CADM2: variants seen among roughly 807,000 people sequenced by gnomAD.
CADM2 encodes cell adhesion molecule 2, also known as immunoglobulin superfamily member 4D.
A neutral mutation model predicts 49.8 loss-of-function variants in CADM2; 12 were observed. The observed-to-expected ratio is 0.24, with a 90% confidence interval of 0.15 to 0.39. CADM2 has a LOEUF of 0.39. Among genes scored for constraint, CADM2 ranks in the 10% least tolerant of loss-of-function variants. The probability of loss-of-function intolerance (pLI) is 1.00; values close to 1 mark genes in which losing one functional copy is unlikely to be tolerated. For missense variants in CADM2, 378 were observed against 492.3 expected (o/e 0.77, Z 2.20); for synonymous variants, 214 against 175.4 (o/e 1.22, Z -1.74).
intron 2 of CADM2, among the ~76,000 whole-genome samples, chr3:85,743,172 A>G (rs757171228): frequency 7.2e-5 from 11 of 151,934 alleles, no homozygotes; most frequent in Non-Finnish European, 1.0e-4. Context: ...CCTACTGGCA[A>G]TTTTCAGCCT....
At chr3:85,158,847 T>G (rs1229829805) in intron 1 of CADM2, among the ~76,000 whole-genome samples, 1 of 151,580 alleles carries the variant, frequency 6.6e-6, no homozygotes, top group Admixed American at 6.6e-5. Context: ...ATAATGATAA[T>G]AAATAAAATA....
intron 1 of CADM2, among the ~76,000 whole-genome samples, chr3:85,028,655 A>G (rs1345272103): frequency 6.6e-6 from 1 of 152,080 alleles, no homozygotes; most frequent in African/African-American, 2.4e-5. Context: ...AGAAAATAGA[A>G]ATCTCGTGAT....
intron 1 of CADM2, among the ~76,000 whole-genome samples, chr3:85,380,586 T>A (rs975260874): frequency 3.3e-5 from 5 of 151,952 alleles, no homozygotes; most frequent in African/African-American, 1.2e-4. Flanking sequence ...GTATTATTTT[T>A]TCAAGTGTAC....
rs1703334061 is a variant in CADM2 at position 86,072,409 on chromosome 3, AAAAAAAC to A, written c.*5633_*5639del. ...ATGTGAAAAAGATATAAAAAAAACA[AAAAAAAC>A]AAAAAAAAAACACTATTTTCCCCTA... On this transcript the variant is annotated 3_prime_UTR_variant, in exon 10 of 10. Transcript: ENST00000383699. 6.6e-6 allele frequency: 1 copy of A among 151,600 alleles called. No individual in the cohort carries two copies. Among genetic ancestry groups the A allele is most frequent in the African/African-American group, 2.4e-5 (1 of 41,288 alleles). 9.4% of individuals were successfully genotyped at this position (151,600 alleles called of 1,614,324 possible). A position where few individuals can be genotyped will look rare whatever the true frequency, so the allele number is the denominator to read the frequency against.
intron 1 of CADM2, among the ~76,000 whole-genome samples, chr3:85,639,436 T>A (rs2107546715): frequency 6.6e-6 from 1 of 152,282 alleles, no homozygotes; most frequent in East Asian, 1.9e-4. Flanking sequence ...GGAAAAGGTG[T>A]CAACTTGGTG....
intron 1 of CADM2, among the ~76,000 whole-genome samples, chr3:85,078,313 C>A (rs1277039383): frequency 6.6e-6 from 1 of 151,936 alleles, no homozygotes; most frequent in African/African-American, 2.4e-5. Flanking sequence ...GAAAACAAAT[C>A]ATATTGAAGT....
chr3:85,931,110 C>T (rs2108527051), intron 6 of CADM2, among the ~76,000 whole-genome samples: 1 of 152,094 alleles, frequency 6.6e-6, no homozygotes, highest in East Asian at 1.9e-4. Flanking sequence ...TGGTAGCTCA[C>T]ACCTGTAATC....
chr3:85,290,843 C>A (rs972976204), intron 1 of CADM2, among the ~76,000 whole-genome samples: 6 of 152,180 alleles, frequency 3.9e-5, no homozygotes, highest in African/African-American at 1.2e-4. Context: ...GGGGAAAAAA[C>A]AGAACAGAAA....
rs114790511 is a variant in CADM2 at position 85,019,159 on chromosome 3, T to G, written c.61+59491T>G. On this transcript the variant is annotated intron_variant, in intron 1 of 9. Transcript: ENST00000383699. ...GTTACTAGAGAGTGACCAGCCATTC[T>G]GGTGTGCCTGTAATGTTCCCAGTTT... 6.1e-3 allele frequency among the ~76,000 whole-genome samples: 935 copies of G among 152,332 alleles called. 16 individuals carry two copies. Among genetic ancestry groups the G allele is most frequent in the African/African-American group, 0.022 (895 of 41,572 alleles).
intron 1 of CADM2, among the ~76,000 whole-genome samples, chr3:85,308,013 C>T (rs1184044865): frequency 6.6e-6 from 1 of 150,874 alleles, no homozygotes; most frequent in Non-Finnish European, 1.5e-5. Flanking sequence ...TCAACCTACA[C>T]AAATGTGCAA....
chr3:85,907,421 C>G (rs891011780), intron 5 of CADM2, among the ~76,000 whole-genome samples: 3 of 152,144 alleles, frequency 2.0e-5, no homozygotes, highest in African/African-American at 7.2e-5. Flanking sequence ...TAGGAAATGT[C>G]ACTTAATAGC....
At position 86,073,786 on chromosome 3, in the gene CADM2, A is replaced by G. The variant is rs1238959625; in HGVS notation, c.*7003A>G. 6.6e-6 allele frequency: 1 copy of G among 151,986 alleles called. No individual in the cohort carries two copies. The highest frequency in any genetic ancestry group is 2.4e-5 in the African/African-American group (1 of 41,416). 9.4% of individuals were successfully genotyped at this position (151,986 alleles called of 1,614,324 possible). A position where few individuals can be genotyped will look rare whatever the true frequency, so the allele number is the denominator to read the frequency against. The stretch of plus-strand genomic sequence containing the variant: ...CAAAACATACTTCTTTATGCCAAAC[A>G]CATTATTTTGAATACCTTTTTTTCA... On this transcript the variant is annotated 3_prime_UTR_variant, in exon 10 of 10. Coordinates refer to ENST00000383699, the MANE Select transcript of CADM2 (RefSeq NM_001167675.2).
intron 8 of CADM2, among the ~76,000 whole-genome samples, chr3:86,038,260 T>C (rs1321662362): frequency 6.6e-6 from 1 of 152,216 alleles, no homozygotes; most frequent in Admixed American, 6.5e-5. Flanking sequence ...CTATCAGAAA[T>C]TTTTAGAGAA....
chr3:85,603,059 A>C (rs2063453355), intron 1 of CADM2, among the ~76,000 whole-genome samples: 1 of 151,898 alleles, frequency 6.6e-6, no homozygotes, highest in African/African-American at 2.4e-5. Context: ...TACTTTAAAC[A>C]CTGTGTTCAT....
At chr3:85,589,081 T>G (rs887056956) in intron 1 of CADM2, among the ~76,000 whole-genome samples, 11 of 152,026 alleles carry the variant, frequency 7.2e-5, no homozygotes, top group African/African-American at 2.7e-4. Context: ...TGAGAGCCAG[T>G]CCTTAGAAAA....
intron 2 of CADM2, among the ~76,000 whole-genome samples, chr3:85,799,772 G>A (rs767392176): frequency 1.4e-4 from 21 of 152,292 alleles, no homozygotes; most frequent in Admixed American, 9.8e-4. Context: ...ATCCCAGAGT[G>A]GCACCTGCCA....
intron 5 of CADM2, among the ~76,000 whole-genome samples, chr3:85,896,800 G>T (rs564169335): frequency 3.4e-4 from 52 of 152,270 alleles, no homozygotes; most frequent in African/African-American, 1.2e-3. Flanking sequence ...ACTGTAAGCT[G>T]CTTATATCGG....
chr3:85,321,083 G>T (rs1375469954), intron 1 of CADM2, among the ~76,000 whole-genome samples: 1 of 91,848 alleles, frequency 1.1e-5, no homozygotes, highest in Non-Finnish European at 2.0e-5. Flanking sequence ...ACTCATAATA[G>T]ATATATACAT....
chr3:85,393,242 G>C (rs1206246189), intron 1 of CADM2, among the ~76,000 whole-genome samples: 1 of 152,040 alleles, frequency 6.6e-6, no homozygotes, highest in African/African-American at 2.4e-5. Flanking sequence ...TTTGAGTTTA[G>C]GTGTTCAGAA....
Sources: gnomAD v4.1 joint callset for allele counts (sites outside exome capture counted in the v4.1 genomes callset) on GRCh38, gnomAD v4.1.1 for gene constraint, MANE v1.5 for transcripts, NCBI Gene and HGNC (gene_info 2026-07-23, HGNC 2026-07-21) for gene names.